The following WWOX variants were observed in gnomAD, a reference collection of about 807,000 sequenced individuals.
WWOX encodes WW domain-containing oxidoreductase.
Under a neutral mutation model 46.2 loss-of-function variants are expected in WWOX, and 69 were observed. The observed-to-expected ratio is 1.49, with a 90% CI of 1.23 to 1.82. The LOEUF (loss-of-function observed/expected upper bound fraction) is 1.82, where lower values mean the gene tolerates loss of function less well. Ranked by LOEUF, WWOX falls within the 40% of genes most tolerant of loss-of-function variation. The pLI is 0.00. For synonymous variants in WWOX, 359 were observed against 202.6 expected (o/e 1.77, Z -6.56); for missense variants, 919 against 542.6 (o/e 1.69, Z -6.89).
At chr16:78,575,854 T>C (rs1307501852) in intron 8 of WWOX, among the ~76,000 whole-genome samples, 2 of 152,136 alleles carry the variant, frequency 1.3e-5, no homozygotes, top group African/African-American at 4.8e-5. Flanking sequence ...CATGGGACAT[T>C]TTTAAACATG....
chr16:79,143,199 G>A (rs1457750636), intron 8 of WWOX, among the ~76,000 whole-genome samples: 1 of 152,286 alleles, frequency 6.6e-6, no homozygotes, highest in South Asian at 2.1e-4. Flanking sequence ...TTCTCTCAAA[G>A]AATGTCAATC....
chr16:78,835,953 TTA>T (rs1320322980), intron 8 of WWOX, among the ~76,000 whole-genome samples: 16 of 152,320 alleles, frequency 1.1e-4, no homozygotes, highest in African/African-American at 3.4e-4. Flanking sequence ...AAATATAAAA[TTA>T]TGTTACTACC....
chr16:78,735,394 A>AAC (rs35975130), intron 8 of WWOX, among the ~76,000 whole-genome samples: 4,198 of 121,318 alleles, frequency 0.035, 82 homozygotes, highest in South Asian at 0.068. Flanking sequence ...ACCACACACA[A>AAC]ACACACACAC....
chr16:78,613,392 G>A (rs1347116457), intron 8 of WWOX, among the ~76,000 whole-genome samples: 1 of 152,108 alleles, frequency 6.6e-6, no homozygotes, highest in Non-Finnish European at 1.5e-5. Context: ...TTGCCTGAGT[G>A]TCCCTGTTAC....
At chr16:78,425,668 A>G (rs1227839691) in intron 7 of WWOX, among the ~76,000 whole-genome samples, 1 of 152,176 alleles carries the variant, frequency 6.6e-6, no homozygotes, top group Non-Finnish European at 1.5e-5. Flanking sequence ...TATTTTCAGC[A>G]TATTTGTTTC....
At chr16:78,874,644 G>T (rs376606661) in intron 8 of WWOX, among the ~76,000 whole-genome samples, 2 of 145,606 alleles carry the variant, frequency 1.4e-5, no homozygotes, top group East Asian at 4.2e-4. Flanking sequence ...GACAAAAATT[G>T]AAACACCTTC....
intron 8 of WWOX, among the ~76,000 whole-genome samples, chr16:79,032,076 T>C (rs2151397303): frequency 6.9e-6 from 1 of 144,576 alleles, no homozygotes; most frequent in South Asian, 2.1e-4. Flanking sequence ...ATATTATATA[T>C]ATATAAAATA....
chr16:78,594,535 A>T (rs1440133323), intron 8 of WWOX, among the ~76,000 whole-genome samples: 1 of 148,348 alleles, frequency 6.7e-6, no homozygotes, highest in African/African-American at 2.5e-5. Flanking sequence ...CCCACATGAA[A>T]AGTCTCAATC....
chr16:78,579,704 T>C lies in WWOX; in HGVS notation c.1056+146952T>C, dbSNP rs2063487. 5.4e-3 allele frequency among the ~76,000 whole-genome samples: 824 copies of C among 152,344 alleles called. 9 individuals carry two copies. The highest frequency in any genetic ancestry group is 0.019 in the African/African-American group (782 of 41,586). On this transcript the variant is annotated intron_variant, in intron 8 of 8. Coordinates refer to ENST00000566780, the MANE Select transcript of WWOX (RefSeq NM_016373.4). ...CGACGGAGAAGTGGGATAAGAACTA[T>C]GTGTGTTTTCACTTCTTCTTTCTTT...
At chr16:79,067,301 G>C (rs1490069274) in intron 8 of WWOX, among the ~76,000 whole-genome samples, 1 of 152,170 alleles carries the variant, frequency 6.6e-6, no homozygotes, top group African/African-American at 2.4e-5. Context: ...CCTTTGCAAG[G>C]TCCTGCATGA....
chr16:78,519,420 G>C (rs1039814227), intron 8 of WWOX, among the ~76,000 whole-genome samples: 3 of 151,616 alleles, frequency 2.0e-5, no homozygotes, highest in African/African-American at 7.3e-5. Flanking sequence ...TTCCATGGAA[G>C]GTAAAACATG....
chr16:78,679,957 A>G (rs774368174), intron 8 of WWOX, among the ~76,000 whole-genome samples: 2 of 152,222 alleles, frequency 1.3e-5, no homozygotes, highest in South Asian at 2.1e-4. Context: ...TCCTCTAGTC[A>G]GAGCAGACCT....
intron 8 of WWOX, among the ~76,000 whole-genome samples, chr16:79,131,748 T>G (rs1476550146): frequency 2.0e-5 from 3 of 152,280 alleles, no homozygotes; most frequent in Admixed American, 2.0e-4. Flanking sequence ...CTCCTTGTAT[T>G]AGTCCATTTT....
At chr16:79,103,978 T>C (rs1222129413) in intron 8 of WWOX, among the ~76,000 whole-genome samples, 1 of 132,458 alleles carries the variant, frequency 7.5e-6, no homozygotes, top group East Asian at 2.4e-4. Flanking sequence ...ATTTATGTAC[T>C]ATAGTCAGTA....
At chr16:78,895,734 G>GC (rs761358527) in intron 8 of WWOX, 1 of 152,168 alleles carries the variant, frequency 6.6e-6, no homozygotes, top group Non-Finnish European at 1.5e-5. Flanking sequence ...ATTGAGGAAC[G>GC]CAAGACTTAA....
At chr16:78,401,100 A>G (rs1327843287) in intron 6 of WWOX, among the ~76,000 whole-genome samples, 2 of 152,236 alleles carry the variant, frequency 1.3e-5, no homozygotes, top group South Asian at 2.1e-4. Context: ...GATTACAGGC[A>G]TGAGCCATGT....
At chr16:78,458,087 A>G (rs1023043853) in intron 8 of WWOX, among the ~76,000 whole-genome samples, 9 of 151,694 alleles carry the variant, frequency 5.9e-5, no homozygotes, top group Non-Finnish European at 1.2e-4. Context: ...GGGCTTAGTA[A>G]GTTGCCTGAC....
At chr16:79,052,145 C>T (rs940100479) in intron 8 of WWOX, among the ~76,000 whole-genome samples, 6 of 151,850 alleles carry the variant, frequency 4.0e-5, no homozygotes, top group Admixed American at 3.3e-4. Context: ...CCCACTAACT[C>T]GTCATCTAGC....
At chr16:78,907,150 C>G (rs2044986596) in intron 8 of WWOX, among the ~76,000 whole-genome samples, 1 of 151,906 alleles carries the variant, frequency 6.6e-6, no homozygotes, top group African/African-American at 2.4e-5. Flanking sequence ...GTTTTGTGGA[C>G]AAGAGAATGG....
Sources: gnomAD v4.1 joint callset for allele counts (sites outside exome capture counted in the v4.1 genomes callset) on GRCh38, gnomAD v4.1.1 for gene constraint, MANE v1.5 for transcripts, NCBI Gene and HGNC (gene_info 2026-07-23, HGNC 2026-07-21) for gene names.